Variants in EPN1 observed in about 807,000 individuals in gnomAD.
The protein encoded by EPN1 is epsin-1.
In EPN1, 25 loss-of-function variants were observed where a neutral mutation model predicts 56.9. That is an observed-to-expected ratio of 0.44 (90% CI 0.32 to 0.61). The LOEUF is 0.61. Among genes scored for constraint, EPN1 ranks in the 20% least tolerant of loss-of-function variants. EPN1 has a pLI of 0.05. For synonymous variants in EPN1, 411 were observed against 361.8 expected (o/e 1.14, Z -1.54); for missense variants, 785 against 823.7 (o/e 0.95, Z 0.58).
Position 55,704,992 on chromosome 19 carries a change from G to GCA in EPN1, c.*9638_*9639dup, listed in dbSNP as rs1336701377. ...TCTGGCTGAATGCTGTTCTACACAT[G>GCA]CACGTGGGAGGCACCAGGGAGCCCA... On this transcript the variant is annotated 3_prime_UTR_variant, in exon 11 of 11. Coordinates refer to ENST00000270460, the MANE Select transcript of EPN1 (RefSeq NM_001130072.2). 1 of 152,114 alleles carries GCA rather than the reference G, an allele frequency of 6.6e-6. No homozygotes were observed. The highest frequency in any genetic ancestry group is 1.5e-5 in the Non-Finnish European group (1 of 68,054). 9.4% of individuals were successfully genotyped at this position (152,114 alleles called of 1,614,324 possible).
In EPN1 at chr19:55,692,775, C is replaced by T. The variant is rs781511513; in HGVS notation, c.1156C>T (p.Pro386Ser). 2 of 1,595,146 alleles carry T rather than the reference C, an allele frequency of 1.3e-6. No homozygotes were observed. The highest frequency in any genetic ancestry group is 2.3e-5 in the East Asian group (1 of 43,940). The change falls in exon 8 of 11, where the codon CCC (proline) becomes TCC (serine). Residue 386 changes from proline to serine, a missense_variant. This residue lies in a region of EPN1 where 650 missense variants were observed against 605.0 expected (regional missense o/e 1.07). Coordinates refer to ENST00000270460, the MANE Select transcript of EPN1 (RefSeq NM_001130072.2). ...TCCCTGGGGAGGGTCACCTGCCAAG[C>T]CCAGCACCAATGGCACAACAGGTAC... Reference protein sequence around the residue: ...SDPWGGSPAKPSTNGTTAAGG... With the variant: ...SDPWGGSPAKSSTNGTTAAGG...
At position 55,709,248 on chromosome 19, in the gene EPN1, A is replaced by G; in HGVS notation, c.*13892A>G. The G allele has an allele frequency of 5.3e-6, 2 of 376,246 alleles. No homozygotes were observed. Among genetic ancestry groups the G allele is most frequent in the Non-Finnish European group, 9.4e-6 (2 of 211,940 alleles). The allele number at this position is 376,246 out of a possible 1,614,324, so 23.3% of individuals were successfully genotyped here. On this transcript the variant is annotated 3_prime_UTR_variant, in exon 11 of 11. Coordinates refer to ENST00000270460, the MANE Select transcript of EPN1 (RefSeq NM_001130072.2). ...TTTATACCATAAAGTGAAATTTCAT[A>G]TACAGGATGTATCAATTAAGATTTA... is the stretch of plus-strand genomic sequence containing the variant.
At chr19:55,681,839 GCT>G (rs1199079527) in intron 2 of EPN1, among the ~76,000 whole-genome samples, 1 of 150,932 alleles carries the variant, frequency 6.6e-6, no homozygotes, top group Non-Finnish European at 1.5e-5. Flanking sequence ...ACAAAGTGTT[GCT>G]CTGTAGCCCA....
intron 1 of EPN1, among the ~76,000 whole-genome samples, chr19:55,675,779 C>G (rs545244477): frequency 6.0e-4 from 92 of 152,286 alleles, no homozygotes; most frequent in Middle Eastern, 3.4e-3. Context: ...GTTCGTGTCT[C>G]GTTGAGTTTC....
chr19:55,688,006 G>A (rs1360017564), intron 3 of EPN1, among the ~76,000 whole-genome samples: 3 of 152,218 alleles, frequency 2.0e-5, no homozygotes, highest in Non-Finnish European at 2.9e-5. Flanking sequence ...ACAGGTGCAA[G>A]GCGGCGTCTT....
In EPN1 at chr19:55,691,826, C is replaced by T; in HGVS notation, c.835C>T (p.Pro279Ser). 3 of 1,609,788 alleles carry T rather than the reference C, an allele frequency of 1.9e-6. No individual in the cohort carries two copies. The change falls in exon 7 of 11, where the codon CCA becomes TCA. Residue 279 changes from proline to serine, a missense_variant. Transcript: ENST00000270460. The surrounding 1 kb of genome is among the most constrained non-coding windows in gnomAD (Gnocchi z 5.6). ...PAPTTDPWGG[P>S]APMAAAVPTA... ...CCCGACCACAGACCCCTGGGGGGGCCCAGCACCCATGGCTGCTGCCGTCCC... is the reference window on the plus strand; with the variant it reads ...CCCGACCACAGACCCCTGGGGGGGCTCAGCACCCATGGCTGCTGCCGTCCC...
chr19:55,677,634 C>T (rs1985526609), intron 1 of EPN1: 2 of 1,551,510 alleles, frequency 1.3e-6, no homozygotes, highest in Non-Finnish European at 1.7e-6. Context: ...GGGACCCAGG[C>T]AGTGGGGCTG....
At chr19:55,675,591 C>T (rs991591138) in intron 1 of EPN1, among the ~76,000 whole-genome samples, 156 bp downstream of exon 1, 1 of 152,154 alleles carries the variant, frequency 6.6e-6, no homozygotes, top group African/African-American at 2.4e-5. Flanking sequence ...GCCCCCGTGT[C>T]GGTTGTCTGT....
At chr19:55,684,372 C>T (rs1365361495) in intron 2 of EPN1, among the ~76,000 whole-genome samples, 2 of 152,120 alleles carry the variant, frequency 1.3e-5, no homozygotes, top group African/African-American at 2.4e-5. Context: ...GTGACCAAGA[C>T]ACCCCCTGCA....
rs1331677164 is a variant in EPN1 at position 55,696,099 on chromosome 19, TGA to T, written c.*748_*749del. 1 of 152,428 alleles carries T rather than the reference TGA, an allele frequency of 6.6e-6. No individual in the cohort carries two copies. Among genetic ancestry groups the T allele is most frequent in the African/African-American group, 2.4e-5 (1 of 41,410 alleles). 9.4% of individuals were successfully genotyped at this position (152,428 alleles called of 1,614,324 possible). On this transcript the variant is annotated 3_prime_UTR_variant, in exon 11 of 11. Transcript: ENST00000270460. The stretch of plus-strand genomic sequence containing the variant: ...TGGGGTTCAGGGAGGAGAAGAATCC[TGA>T]GAGATGGCACATGTGCAACACAGGT...
chr19:55,691,915 G>T lies in EPN1; in HGVS notation c.924G>T (p.Trp308Cys). Residue 308 changes from tryptophan (W) to cysteine (C), a missense_variant, in exon 7 of 11, where the codon TGG becomes TGT. Around this residue, in one of 2 missense-constraint regions of EPN1, gnomAD observed 650 missense variants for 605.0 expected, o/e 1.07. Transcript: ENST00000270460. The surrounding 1 kb of genome is among the most constrained non-coding windows in gnomAD (Gnocchi z 5.6). ...CTGTCCCTCCAGCTGCTGATCCCTGGGGAGGTCCAGCCCCCACGCCGGCCT... is the reference window on the plus strand; with the variant it reads ...CTGTCCCTCCAGCTGCTGATCCCTGTGGAGGTCCAGCCCCCACGCCGGCCT... ...GPPVPPAADPWGGPAPTPASG... is the reference protein window; with the variant it reads ...GPPVPPAADPCGGPAPTPASG... 2 of 1,583,194 alleles carry T rather than the reference G, an allele frequency of 1.3e-6. No homozygotes were observed. Among genetic ancestry groups the T allele is most frequent in the South Asian group, 1.1e-5 (1 of 88,276 alleles).
intron 3 of EPN1, among the ~76,000 whole-genome samples, chr19:55,686,100 A>G (rs2122188092): frequency 6.6e-6 from 1 of 152,344 alleles, no homozygotes; most frequent in East Asian, 1.9e-4. Flanking sequence ...TGCACCAGGC[A>G]TCTGGGCCTG....
Position 55,678,508 on chromosome 19 carries a change from G to T in EPN1, c.-101-19G>T. ...GCCATGTCCCATTTGTGTTTCCAGA[G>T]GTCCTCTTCCCCTCGCAGATGCGGT... On this transcript the variant is annotated intron_variant, in intron 1 of 10. Coordinates refer to ENST00000270460, the MANE Select transcript of EPN1 (RefSeq NM_001130072.2). 6.5e-7 allele frequency: 1 copy of T among 1,531,016 alleles called. No homozygotes were observed. The highest frequency in any genetic ancestry group is 8.8e-7 in the Non-Finnish European group (1 of 1,141,808). 94.8% of individuals were successfully genotyped at this position (1,531,016 alleles called of 1,614,324 possible).
rs749431021 is a variant in EPN1 at position 55,688,925 on chromosome 19, G to A, written c.534G>A (p.Pro178=). The change falls in exon 4 of 11, where the codon CCG becomes CCA. Residue 178 remains proline, a synonymous_variant. Coordinates refer to ENST00000270460, the MANE Select transcript of EPN1 (RefSeq NM_001130072.2). ...GPPPEAEQAW[P]QSSGEEELQL... ...CTCCCGAGGCGGAGCAGGCGTGGCC[G>A]CAGAGCAGCGGGGAGGAGGAGCTGC... is the stretch of plus-strand genomic sequence containing the variant. 2.2e-5 allele frequency: 35 copies of A among 1,591,562 alleles called. No individual in the cohort carries two copies. The South Asian group carries it at 2.3e-4, about 10-fold the overall frequency.
At chr19:55,685,039 G>C (rs1373049154) in intron 2 of EPN1, among the ~76,000 whole-genome samples, 3 of 152,248 alleles carry the variant, frequency 2.0e-5, no homozygotes, top group African/African-American at 7.2e-5. Context: ...GCCTTCAGGT[G>C]GTCCCTCTCC....
At position 55,696,994 on chromosome 19, in the gene EPN1, G is replaced by A. The variant is rs959855607; in HGVS notation, c.*1638G>A. ...CATGCAGGAAGAGGTGGGTCCCAGGGACACAGGAACTTTGGGGTCAGCCGG... is the reference window on the plus strand; with the variant it reads ...CATGCAGGAAGAGGTGGGTCCCAGGAACACAGGAACTTTGGGGTCAGCCGG... On this transcript the variant is annotated 3_prime_UTR_variant, in exon 11 of 11. Transcript: ENST00000270460. 1 of 152,242 alleles carries A rather than the reference G, an allele frequency of 6.6e-6. No individual in the cohort carries two copies. The highest frequency in any genetic ancestry group is 2.4e-5 in the African/African-American group (1 of 41,438). 9.4% of individuals were successfully genotyped at this position (152,242 alleles called of 1,614,324 possible). A position where few individuals can be genotyped will look rare whatever the true frequency, so the allele number is the denominator to read the frequency against.
intron 2 of EPN1, among the ~76,000 whole-genome samples, chr19:55,682,380 A>G (rs1985874008): frequency 6.6e-6 from 1 of 152,054 alleles, no homozygotes; most frequent in Non-Finnish European, 1.5e-5. Flanking sequence ...TTTGCTCACC[A>G]TCACCATCAG....
rs771176714 is a variant in EPN1, at chr19:55,692,695, C to T, written c.1076C>T (p.Pro359Leu). 4.1e-5 allele frequency: 63 copies of T among 1,543,088 alleles called. No homozygotes were observed. Among genetic ancestry groups the T allele is most frequent in the Admixed American group, 2.0e-4 (10 of 50,254 alleles). Residue 359 changes from proline (P) to leucine (L), a missense_variant, in exon 8 of 11, where the codon CCG (proline) becomes CTG (leucine). Physicochemically the swap from Pro to Leu is moderately conservative, Grantham distance 98. Coordinates refer to ENST00000270460, the MANE Select transcript of EPN1 (RefSeq NM_001130072.2). ...TTCTGTCCTCACCCAGGTGGGGTCC[C>T]GGTCAGTGGGCCCTCAGCCTCCGAT... is the stretch of plus-strand genomic sequence containing the variant. The part of the protein sequence containing the change: ...DPWGSSDGGV[P>L]VSGPSASDPW...
chr19:55,692,314 C>T (rs1986611846), intron 7 of EPN1, among the ~76,000 whole-genome samples: 2 of 148,442 alleles, frequency 1.3e-5, no homozygotes, highest in Admixed American at 1.4e-4. Flanking sequence ...AGGCTCTGGC[C>T]AAGGCAGAGC....
Sources: gnomAD v4.1 joint callset for allele counts (sites outside exome capture counted in the v4.1 genomes callset) on GRCh38, gnomAD v4.1.1 for gene constraint, gnomAD v4.1.1 regional missense constraint, Gnocchi (gnomAD v3.1) non-coding constraint, MANE v1.5 for transcripts, NCBI Gene and HGNC (gene_info 2026-07-23, HGNC 2026-07-21) for gene names.